The following PRKCZ variants were observed in gnomAD, a reference collection of about 807,000 sequenced individuals.
The protein encoded by PRKCZ is protein kinase C zeta type.
Under a neutral mutation model 79.5 loss-of-function variants are expected in PRKCZ, and 33 were observed. That is an observed-to-expected ratio of 0.41 (90% CI 0.31 to 0.55). PRKCZ has a LOEUF of 0.55. PRKCZ is among the 20% of genes least tolerant of loss of function. The pLI is 0.19. For synonymous variants in PRKCZ, 342 were observed against 320.9 expected (o/e 1.07, Z -0.70); for missense variants, 578 against 813.5 (o/e 0.71, Z 3.52).
chr1:2,150,161 C>CAAA (rs750010192), intron 8 of PRKCZ, among the ~76,000 whole-genome samples: 4 of 46,682 alleles, frequency 8.6e-5, no homozygotes, highest in African/African-American at 2.3e-4. Context: ...GACTCCGTCT[C>CAAA]AAAAAAAAAA....
At chr1:2,120,110 T>C (rs1671559819) in intron 4 of PRKCZ, among the ~76,000 whole-genome samples, 1 of 152,106 alleles carries the variant, frequency 6.6e-6, no homozygotes, top group African/African-American at 2.4e-5. Context: ...CCAGCCTCAC[T>C]GCCACCCCTG....
At chr1:2,101,783 C>T (rs762267636) in intron 4 of PRKCZ, among the ~76,000 whole-genome samples, 6 of 152,182 alleles carry the variant, frequency 3.9e-5, no homozygotes, top group Admixed American at 2.0e-4. Flanking sequence ...CAGTGCTCCA[C>T]AGCAAAGATG....
intron 4 of PRKCZ, among the ~76,000 whole-genome samples, chr1:2,063,278 C>T (rs545446895): frequency 2.0e-5 from 3 of 152,194 alleles, no homozygotes; most frequent in East Asian, 3.9e-4. Flanking sequence ...GGTGTAGACC[C>T]GGAAGTGAGA....
At chr1:2,090,270 G>A (rs1665261172) in intron 4 of PRKCZ, among the ~76,000 whole-genome samples, 1 of 152,212 alleles carries the variant, frequency 6.6e-6, no homozygotes, top group Non-Finnish European at 1.5e-5. Flanking sequence ...CTGCACCTTG[G>A]CAAGGGGTTC....
At position 2,173,014 on chromosome 1, in the gene PRKCZ, C is replaced by T. The variant is rs950860741; in HGVS notation, c.1285+626C>T. On this transcript the variant is annotated intron_variant, in intron 13 of 17. Transcript: ENST00000378567. This position sits in a 1 kb window ranked among gnomAD's most constrained non-coding sequence, Gnocchi z 5.7. ...GGGCACGCGTGTGCAGCCCTGTGTG[C>T]GTGTGTGCCGTTGGGCTGAGTGTTC... Among the ~76,000 whole-genome samples, 12 of 152,044 alleles carry T rather than the reference C, an allele frequency of 7.9e-5. No homozygotes were observed. The highest frequency in any genetic ancestry group is 1.9e-4 in the East Asian group (1 of 5,190).
At chr1:2,132,301 C>T (rs1050911881) in intron 4 of PRKCZ, among the ~76,000 whole-genome samples, 1 of 152,226 alleles carries the variant, frequency 6.6e-6, no homozygotes, top group African/African-American at 2.4e-5. Context: ...TATGCATTCT[C>T]TTGTCCACAG....
chr1:2,052,411 C>T (rs1324870942), intron 1 of PRKCZ, among the ~76,000 whole-genome samples: 2 of 151,262 alleles, frequency 1.3e-5, no homozygotes, highest in Non-Finnish European at 3.0e-5. Flanking sequence ...GACTCTCTCC[C>T]CTCTCTCCCC....
intron 4 of PRKCZ, among the ~76,000 whole-genome samples, chr1:2,107,894 T>C (rs1196314078): frequency 3.5e-5 from 5 of 143,728 alleles, no homozygotes; most frequent in African/African-American, 1.1e-4. Context: ...TGTCCAGGGA[T>C]TCCCCCCAGG....
chr1:2,139,706 C>G (rs1190862970), intron 5 of PRKCZ, among the ~76,000 whole-genome samples: 1 of 152,234 alleles, frequency 6.6e-6, no homozygotes, highest in African/African-American at 2.4e-5. Flanking sequence ...CTCTGGAAAT[C>G]ACGCAGAAAT....
intron 4 of PRKCZ, among the ~76,000 whole-genome samples, chr1:2,059,912 C>G (rs1660516679): frequency 6.6e-6 from 1 of 152,184 alleles, no homozygotes. Context: ...CCTCAGCTCA[C>G]GACCACCCCT....
chr1:2,056,097 G>C (rs761824901), intron 2 of PRKCZ, among the ~76,000 whole-genome samples: 1 of 152,196 alleles, frequency 6.6e-6, no homozygotes. Flanking sequence ...CCCCCGTTGG[G>C]TTGGGTACAG....
chr1:2,112,598 T>C (rs925905), intron 4 of PRKCZ, among the ~76,000 whole-genome samples: 96,584 of 151,816 alleles, frequency 0.64, 30,933 homozygotes, highest in African/African-American at 0.71. Flanking sequence ...ATGCCTGTAA[T>C]CATCACAGTA....
intron 8 of PRKCZ, among the ~76,000 whole-genome samples, chr1:2,150,024 T>C (rs1428790222): frequency 6.8e-6 from 1 of 146,858 alleles, no homozygotes; most frequent in Non-Finnish European, 1.5e-5. Context: ...AAGCTGGGCG[T>C]GGTGGCGGGC....
chr1:2,178,821 G>A lies in PRKCZ; in HGVS notation c.1575+3508G>A, dbSNP rs626479. ...CCTGTGGACTCAGGGTCTCTTTCAC[G>A]GACTGCGGGGAAGGCAGTGGGAGCA... On this transcript the variant is annotated intron_variant, in intron 16 of 17. Coordinates refer to ENST00000378567, the MANE Select transcript of PRKCZ (RefSeq NM_002744.6). The surrounding 1 kb of genome is among the most constrained non-coding windows in gnomAD (Gnocchi z 4.3). 0.24 allele frequency among the ~76,000 whole-genome samples: 35,965 copies of A among 152,110 alleles called. 4,880 individuals are homozygous for A. The highest frequency in any genetic ancestry group is 0.33 in the Admixed American group (5,079 of 15,296).
chr1:2,096,297 G>T (rs1056593532), intron 4 of PRKCZ, among the ~76,000 whole-genome samples: 2 of 151,910 alleles, frequency 1.3e-5, no homozygotes, highest in African/African-American at 4.8e-5. Context: ...TGAGTGTCAC[G>T]GCAGCATCAG....
chr1:2,058,659 G>A (rs113954706), intron 3 of PRKCZ, among the ~76,000 whole-genome samples: 2,566 of 152,174 alleles, frequency 0.017, 90 homozygotes, highest in African/African-American at 0.057. Flanking sequence ...ACTTTGGGAG[G>A]CCGAGGCAGG....
intron 5 of PRKCZ, chr1:2,143,955 C>T: frequency 4.5e-6 from 2 of 448,858 alleles, no homozygotes; most frequent in South Asian, 2.9e-5. Context: ...ATGGCACCTC[C>T]CCTGTGTCCC....
chr1:2,121,691 G>T lies in PRKCZ; in HGVS notation c.335-13571G>T, dbSNP rs150993182. Among the ~76,000 whole-genome samples, 125 of 27,944 alleles carry T rather than the reference G, an allele frequency of 4.5e-3. 10 individuals carry two copies. Among genetic ancestry groups the T allele is most frequent in the African/African-American group, 0.026 (115 of 4,478 alleles). The allele number at this position is 27,944 out of a possible 152,430, so 18.3% of individuals were successfully genotyped here. A position where few individuals can be genotyped will look rare whatever the true frequency, so the allele number is the denominator to read the frequency against. On this transcript the variant is annotated intron_variant, in intron 4 of 17. Transcript: ENST00000378567. ...TCGTGGTGGTGGTTAGGGTCACGGT[G>T]GTGGTTAGGGTCACGGTGGTAGTTA...
Position 2,147,262 on chromosome 1 carries a change from T to C in PRKCZ, c.634+1154T>C, listed in dbSNP as rs562224370. Among the ~76,000 whole-genome samples, 31 of 151,514 alleles carry C rather than the reference T, an allele frequency of 2.0e-4. No homozygotes were observed. The South Asian group carries it at 5.0e-3, about 24-fold the overall frequency. ...CCACTGACGTCTCCATCTATCCATC[T>C]GTCTGTTGTCCACTGACCTCTCCAC... On this transcript the variant is annotated intron_variant, in intron 7 of 17. Transcript: ENST00000378567.
Sources: allele counts gnomAD v4.1 joint callset (sites outside exome capture counted in the v4.1 genomes callset), GRCh38; gene constraint gnomAD v4.1.1; non-coding constraint Gnocchi (gnomAD v3.1); transcripts MANE v1.5; gene names NCBI Gene and HGNC (gene_info 2026-07-23, HGNC 2026-07-21).